The following PTPRD variants were observed in gnomAD, a reference collection of about 807,000 sequenced individuals.
The protein encoded by PTPRD is receptor-type tyrosine-protein phosphatase delta.
PTPRD carries 34 observed loss-of-function variants against 214.5 expected under a neutral mutation model. The observed-to-expected ratio is 0.16, with a 90% CI of 0.12 to 0.21. The LOEUF (loss-of-function observed/expected upper bound fraction) is 0.21, where lower values mean the gene tolerates loss of function less well. Ranked by LOEUF, PTPRD falls within the 10% of genes least tolerant of loss-of-function variation. The pLI, the probability that PTPRD is intolerant of heterozygous loss-of-function variation, is 1.00. For missense variants in PTPRD, 2,545 were observed against 2,398.7 expected, an observed-to-expected ratio of 1.06 and a Z score of -1.27; for synonymous variants, 1,128 against 845.7, an observed-to-expected ratio of 1.33 and a Z score of -5.79.
chr9:9,000,996 T>C (rs1196379210), intron 11 of PTPRD, among the ~76,000 whole-genome samples: 1 of 151,898 alleles, frequency 6.6e-6, no homozygotes, highest in East Asian at 1.9e-4. Context: ...AAATGACCCA[T>C]CCATCGAACA....
intron 5 of PTPRD, among the ~76,000 whole-genome samples, chr9:9,870,041 T>C (rs566178003): frequency 1.1e-4 from 16 of 152,198 alleles, no homozygotes; most frequent in African/African-American, 3.8e-4. Context: ...TAGGTCCTAT[T>C]GAAGTATCTA....
intron 14 of PTPRD, among the ~76,000 whole-genome samples, chr9:8,582,503 C>T (rs2093262681): frequency 6.6e-6 from 1 of 151,776 alleles, no homozygotes; most frequent in Non-Finnish European, 1.5e-5. Flanking sequence ...TTTTTCAATG[C>T]ATTTAACTGA....
At chr9:8,420,865 C>A (rs1449399293) in intron 35 of PTPRD, among the ~76,000 whole-genome samples, 1 of 148,138 alleles carries the variant, frequency 6.8e-6, no homozygotes, top group Non-Finnish European at 1.5e-5. Context: ...AAAGTGAGTT[C>A]TGTGATCAGT....
chr9:9,012,218 G>T (rs1190769088), intron 11 of PTPRD, among the ~76,000 whole-genome samples: 2 of 152,122 alleles, frequency 1.3e-5, no homozygotes, highest in African/African-American at 4.8e-5. Context: ...GAGTAAACTT[G>T]GAAGAGAATC....
intron 8 of PTPRD, among the ~76,000 whole-genome samples, chr9:9,460,745 C>A (rs1026642379): frequency 6.6e-6 from 1 of 151,906 alleles, no homozygotes; most frequent in South Asian, 2.1e-4. Context: ...AGTTCAACCC[C>A]CTATGGAAAA....
intron 4 of PTPRD, among the ~76,000 whole-genome samples, chr9:9,982,175 T>A (rs1294913384): frequency 6.6e-6 from 1 of 152,192 alleles, no homozygotes; most frequent in Non-Finnish European, 1.5e-5. Flanking sequence ...AATACAGATC[T>A]GTGCCAAGAA....
intron 44 of PTPRD, among the ~76,000 whole-genome samples, chr9:8,321,509 A>G (rs1367439997): frequency 1.6e-5 from 2 of 125,378 alleles, no homozygotes; most frequent in Non-Finnish European, 3.4e-5. Flanking sequence ...ATATATATAT[A>G]TATATATATA....
At chr9:9,243,414 C>A (rs2099971394) in intron 9 of PTPRD, among the ~76,000 whole-genome samples, 1 of 152,050 alleles carries the variant, frequency 6.6e-6, no homozygotes, top group African/African-American at 2.4e-5. Flanking sequence ...AAACCGAATC[C>A]AGCAGCACAT....
At position 10,540,266 on chromosome 9, in the gene PTPRD, G is replaced by T. The variant is rs571545224; in HGVS notation, c.-600+72132C>A. 1.3e-3 allele frequency among the ~76,000 whole-genome samples: 198 copies of T among 152,266 alleles called. 1 individual carries two copies. The highest frequency in any genetic ancestry group is 4.2e-3 in the African/African-American group (174 of 41,558). On this transcript the variant is annotated intron_variant, in intron 2 of 45. Coordinates refer to ENST00000381196, the MANE Select transcript of PTPRD (RefSeq NM_002839.4). ...TGGTCTCAAACTCCTGACCTAAAGT[G>T]ATCTTCCTGCCTCGGCCTCCCAGAG...
At chr9:10,068,439 C>A in intron 3 of PTPRD, among the ~76,000 whole-genome samples, 1 of 151,902 alleles carries the variant, frequency 6.6e-6, no homozygotes, top group East Asian at 1.9e-4. Flanking sequence ...CAGTGATACT[C>A]TCCTGGTCCT....
intron 3 of PTPRD, among the ~76,000 whole-genome samples, chr9:10,333,970 T>C (rs1483609663): frequency 6.6e-6 from 1 of 151,800 alleles, no homozygotes; most frequent in African/African-American, 2.4e-5. Flanking sequence ...AACATTAAAG[T>C]TGACCCAAGT....
At chr9:9,867,188 A>G (rs1233824756) in intron 5 of PTPRD, among the ~76,000 whole-genome samples, 1 of 152,148 alleles carries the variant, frequency 6.6e-6, no homozygotes, top group Admixed American at 6.5e-5. Context: ...TAAGGATTAG[A>G]ACCCAAGTCT....
intron 2 of PTPRD, among the ~76,000 whole-genome samples, chr9:10,374,572 A>C (rs1157127645): frequency 3.3e-5 from 5 of 151,980 alleles, no homozygotes; most frequent in African/African-American, 1.2e-4. Flanking sequence ...CATCAGATTA[A>C]TATATGAATT....
intron 2 of PTPRD, among the ~76,000 whole-genome samples, chr9:10,503,784 T>C (rs10809103): frequency 1.3e-5 from 2 of 151,328 alleles, no homozygotes; most frequent in African/African-American, 4.9e-5. Flanking sequence ...TAGGGGACAA[T>C]AGATGTCCAG....
intron 11 of PTPRD, among the ~76,000 whole-genome samples, chr9:8,843,798 G>A (rs904722597): frequency 6.6e-6 from 1 of 152,124 alleles, no homozygotes; most frequent in Non-Finnish European, 1.5e-5. Flanking sequence ...CATTTCTGCA[G>A]TGTAACAAAG....
At chr9:10,165,260 T>C (rs1280388250) in intron 3 of PTPRD, among the ~76,000 whole-genome samples, 1 of 151,770 alleles carries the variant, frequency 6.6e-6, no homozygotes, top group Non-Finnish European at 1.5e-5. Flanking sequence ...ACATCTAACA[T>C]TTGATTTTTA....
intron 11 of PTPRD, among the ~76,000 whole-genome samples, chr9:8,779,297 G>A (rs10511509): frequency 6.6e-6 from 1 of 151,930 alleles, no homozygotes; most frequent in South Asian, 2.1e-4. Flanking sequence ...TTTGGAACCT[G>A]TTCTACCATT....
At chr9:9,477,178 T>C (rs1349179161) in intron 8 of PTPRD, among the ~76,000 whole-genome samples, 2 of 152,208 alleles carry the variant, frequency 1.3e-5, no homozygotes, top group African/African-American at 4.8e-5. Flanking sequence ...ACTGTCTGAC[T>C]CCACAATATT....
At chr9:10,036,506 GCACACA>G (rs59938783) in intron 3 of PTPRD, among the ~76,000 whole-genome samples, 17,286 of 142,024 alleles carry the variant, frequency 0.12, 1,068 homozygotes, top group East Asian at 0.18. Context: ...ACACACTCAT[GCACACA>G]CACACACACA....
Sources: allele counts gnomAD v4.1 joint callset (sites outside exome capture counted in the v4.1 genomes callset), GRCh38; gene constraint gnomAD v4.1.1; transcripts MANE v1.5; gene names NCBI Gene and HGNC (gene_info 2026-07-23, HGNC 2026-07-21).